Variants in ABCC4 observed in about 807,000 individuals in gnomAD.
ABCC4 encodes ATP-binding cassette sub-family C member 4.
ABCC4 carries 102 observed loss-of-function variants against 168.5 expected under a neutral mutation model. That is an observed-to-expected ratio of 0.61 (90% CI 0.52 to 0.71). The LOEUF is 0.71. ABCC4 is among the 30% of genes least tolerant of loss of function. The pLI is 0.00. For synonymous variants in ABCC4, 617 were observed against 590.7 expected, an observed-to-expected ratio of 1.04 and a Z score of -0.65; for missense variants, 1,402 against 1,605.8, an observed-to-expected ratio of 0.87 and a Z score of 2.17.
intron 4 of ABCC4, among the ~76,000 whole-genome samples, chr13:95,227,718 C>CT (rs916861934): frequency 2.0e-5 from 3 of 151,906 alleles, no homozygotes; most frequent in Non-Finnish European, 4.4e-5. Flanking sequence ...TATGTAATTT[C>CT]TTTTTTTTAA....
chr13:95,156,787 G>A (rs569088360), intron 19 of ABCC4, among the ~76,000 whole-genome samples: 27 of 152,132 alleles, frequency 1.8e-4, no homozygotes, highest in Non-Finnish European at 3.1e-4. Context: ...AGGATAAAAA[G>A]ACGAGAAAGG....
intron 1 of ABCC4, among the ~76,000 whole-genome samples, chr13:95,277,029 A>C (rs1566592889): frequency 2.0e-5 from 3 of 152,208 alleles, no homozygotes; most frequent in Non-Finnish European, 4.4e-5. Flanking sequence ...AAAAATAAAT[A>C]AATACAATAA....
intron 1 of ABCC4, among the ~76,000 whole-genome samples, chr13:95,271,166 G>A (rs2040838464): frequency 6.6e-6 from 1 of 152,148 alleles, no homozygotes; most frequent in Non-Finnish European, 1.5e-5. Flanking sequence ...ATAGCCAGAT[G>A]GCCTTTCTCT....
chr13:95,293,236 T>C (rs2041446368), intron 1 of ABCC4, among the ~76,000 whole-genome samples: 1 of 151,874 alleles, frequency 6.6e-6, no homozygotes, highest in Non-Finnish European at 1.5e-5. Context: ...TGCACATCTG[T>C]AATCCCAGCT....
At chr13:95,058,687 T>C (rs1207436406) in intron 26 of ABCC4, among the ~76,000 whole-genome samples, 1 of 152,016 alleles carries the variant, frequency 6.6e-6, no homozygotes, top group Non-Finnish European at 1.5e-5. Context: ...AAAATTGAGC[T>C]GGATAGTTCT....
chr13:95,263,425 C>T (rs917029978), intron 1 of ABCC4, among the ~76,000 whole-genome samples: 9 of 152,016 alleles, frequency 5.9e-5, no homozygotes, highest in Non-Finnish European at 1.5e-5. Flanking sequence ...TATATATATA[C>T]ACATACACAC....
intron 19 of ABCC4, among the ~76,000 whole-genome samples, chr13:95,126,324 G>A (rs1021501953): frequency 6.6e-6 from 1 of 152,038 alleles, no homozygotes; most frequent in African/African-American, 2.4e-5. Flanking sequence ...TGGCAGCAAC[G>A]CATATTTATA....
At chr13:95,176,275 C>T (rs2037698811) in intron 13 of ABCC4, among the ~76,000 whole-genome samples, 1 of 133,952 alleles carries the variant, frequency 7.5e-6, no homozygotes, top group Non-Finnish European at 1.6e-5. Context: ...AGTTCGAGAC[C>T]AGCCTGGGCA....
chr13:95,148,225 C>T (rs1261355445), intron 19 of ABCC4, among the ~76,000 whole-genome samples: 1 of 151,996 alleles, frequency 6.6e-6, no homozygotes, highest in African/African-American at 2.4e-5. Context: ...AATTGTCACT[C>T]ACACAAAAAA....
chr13:95,067,649 C>T (rs2033594028), intron 25 of ABCC4, among the ~76,000 whole-genome samples: 1 of 152,014 alleles, frequency 6.6e-6, no homozygotes, highest in African/African-American at 2.4e-5. Context: ...AGCAAGCAGG[C>T]AGGGCAAGTG....
At chr13:95,172,572 GAAA>G (rs56278771) in intron 13 of ABCC4, among the ~76,000 whole-genome samples, 1 of 124,678 alleles carries the variant, frequency 8.0e-6, no homozygotes. Flanking sequence ...CCTCAAAAAG[GAAA>G]AAAAAAAAAA....
At chr13:95,206,214 A>G (rs1234911515) in intron 8 of ABCC4, among the ~76,000 whole-genome samples, 1 of 152,196 alleles carries the variant, frequency 6.6e-6, no homozygotes, top group Non-Finnish European at 1.5e-5. Context: ...TGTTAACATA[A>G]GAGATGAAAT....
chr13:95,072,544 C>T (rs988847830), intron 24 of ABCC4, among the ~76,000 whole-genome samples: 1 of 152,174 alleles, frequency 6.6e-6, no homozygotes, highest in South Asian at 2.1e-4. Flanking sequence ...GATCGTGAAA[C>T]CTCACTGTAA....
chr13:95,254,410 A>G (rs1333266992), intron 1 of ABCC4, among the ~76,000 whole-genome samples: 4 of 151,944 alleles, frequency 2.6e-5, no homozygotes, highest in Non-Finnish European at 4.4e-5. Context: ...GGCACATACA[A>G]TACCCCTGAC....
At chr13:95,027,943 C>T (rs2139205580) in intron 30 of ABCC4, among the ~76,000 whole-genome samples, 1 of 152,240 alleles carries the variant, frequency 6.6e-6, no homozygotes, top group South Asian at 2.1e-4. Flanking sequence ...AGGAGACACA[C>T]CTTTGGATAT....
At chr13:95,271,476 GGTT>G (rs1566588320) in intron 1 of ABCC4, among the ~76,000 whole-genome samples, 1 of 152,096 alleles carries the variant, frequency 6.6e-6, no homozygotes, top group Non-Finnish European at 1.5e-5. Flanking sequence ...CCTACACAGA[GGTT>G]GTTTATTCTC....
rs2040318265 is a variant in ABCC4 at position 95,253,486 on chromosome 13, T to C, written c.75-5733A>G. Among the ~76,000 whole-genome samples, 8 of 152,192 alleles carry C rather than the reference T, an allele frequency of 5.3e-5. 1 individual carries two copies. The highest frequency in any genetic ancestry group is 4.6e-4 in the Admixed American group (7 of 15,292). On this transcript the variant is annotated intron_variant, in intron 1 of 30. Transcript: ENST00000645237. ...TTGGCCTGGCATGATGGCTCATGCC[T>C]GTAATCCCAGCACTTTGGGAGGCCG... is the stretch of plus-strand genomic sequence containing the variant.
At chr13:95,082,296 G>A (rs1029647036) in intron 21 of ABCC4, among the ~76,000 whole-genome samples, 19 of 152,176 alleles carry the variant, frequency 1.2e-4, no homozygotes, top group African/African-American at 4.6e-4. Context: ...GATGAAATAT[G>A]TTAATTTGTG....
In ABCC4 at chr13:95,033,158, T is replaced by C. The variant is rs186761800; in HGVS notation, c.3870+1447A>G. Among the ~76,000 whole-genome samples the C allele has an allele frequency of 2.4e-3, 362 of 151,910 alleles. 1 individual carries two copies. Among genetic ancestry groups the C allele is most frequent in the African/African-American group, 6.3e-3 (260 of 41,402 alleles). ...CTGATTTTTATATTTTTAGTAGAAA[T>C]GGGGTTTCACCATGTTGGCCCCTAT... is the stretch of plus-strand genomic sequence containing the variant. On this transcript the variant is annotated intron_variant, in intron 30 of 30. Transcript: ENST00000645237.
Sources: allele counts gnomAD v4.1 joint callset (sites outside exome capture counted in the v4.1 genomes callset), GRCh38; gene constraint gnomAD v4.1.1; transcripts MANE v1.5; gene names NCBI Gene and HGNC (gene_info 2026-07-23, HGNC 2026-07-21).